ZNF331: variants seen among roughly 807,000 people sequenced by gnomAD.
ZNF331 encodes the protein C2H2-like zinc finger protein rearranged in thyroid adenomas.
In ZNF331, 2 loss-of-function variants were observed where a neutral mutation model predicts 7.0. That is an observed-to-expected ratio of 0.29 (90% CI 0.12 to 0.90). The LOEUF is 0.90. ZNF331 is among the 40% of genes least tolerant of loss of function. The pLI, the probability that ZNF331 is intolerant of heterozygous loss-of-function variation, is 0.58. For synonymous variants in ZNF331, 196 were observed against 205.4 expected (o/e 0.95, Z 0.39); for missense variants, 432 against 587.7 (o/e 0.74, Z 2.74).
At chr19:53,509,996 A>C in the ZNF331 span, among the ~76,000 whole-genome samples, 1 of 152,202 alleles carries the variant, frequency 6.6e-6, no homozygotes, top group East Asian at 1.9e-4. Flanking sequence ...CTATCAGCAG[A>C]ACAGCAAGGG....
intron 2 of ZNF331, among the ~76,000 whole-genome samples, chr19:53,530,004 A>C (rs2087469122): frequency 6.6e-6 from 1 of 152,188 alleles, no homozygotes; most frequent in Non-Finnish European, 1.5e-5. Context: ...ATATTGGCTC[A>C]TGCTTCTGAA....
At position 53,558,492 on chromosome 19, in the gene ZNF331, T is replaced by A. The variant is rs373106920; in HGVS notation, c.-74+2584T>A. Among the ~76,000 whole-genome samples, 65 of 152,206 alleles carry A rather than the reference T, an allele frequency of 4.3e-4. No homozygotes were observed. The highest frequency in any genetic ancestry group is 1.3e-3 in the African/African-American group (55 of 41,514). On this transcript the variant is annotated intron_variant, in intron 3 of 5. Transcript: ENST00000449416. The surrounding 1 kb of genome is among the most constrained non-coding windows in gnomAD (Gnocchi z 4.5). Reference sequence around the variant, plus strand: ...TAGGTGTGACTGAAGCATGCACGAATGTGTTGAAACGTGATTGGACAAATA... The same window carrying A: ...TAGGTGTGACTGAAGCATGCACGAAAGTGTTGAAACGTGATTGGACAAATA...
chr19:53,515,748 C>T (rs1253719556), upstream of ZNF331, among the ~76,000 whole-genome samples: 6 of 152,176 alleles, frequency 3.9e-5, no homozygotes, highest in Admixed American at 3.3e-4. Context: ...CCGCCTTCCT[C>T]GGCCTCCCAA....
intron 2 of ZNF331, among the ~76,000 whole-genome samples, chr19:53,550,406 A>C (rs1600333366): frequency 6.6e-6 from 1 of 152,246 alleles, no homozygotes; most frequent in South Asian, 2.1e-4. Context: ...TGTATTTAAG[A>C]GCTCCAATGC....
chr19:53,538,504 G>A (rs981493039), intron 1 of ZNF331: 1 of 153,002 alleles, frequency 6.5e-6, no homozygotes, highest in African/African-American at 2.4e-5. Context: ...GCGCTCTGGG[G>A]GTTGTGCGGG....
chr19:53,565,775 C>T (rs62143921), intron 3 of ZNF331, among the ~76,000 whole-genome samples: 39,450 of 151,860 alleles, frequency 0.26, 5,950 homozygotes, highest in South Asian at 0.4. Context: ...GTGATCCGCC[C>T]GCCTCAGCCT....
Position 53,580,201 on chromosome 19 carries a change from T to A in ZNF331, c.*2249T>A, listed in dbSNP as rs1600535993. The A allele has an allele frequency of 5.2e-6, 1 of 192,682 alleles. No homozygotes were observed. The highest frequency in any genetic ancestry group is 1.1e-5 in the Non-Finnish European group (1 of 92,410). The allele number at this position is 192,682 out of a possible 1,614,324, so 11.9% of individuals were successfully genotyped here. A position where few individuals can be genotyped will look rare whatever the true frequency, so the allele number is the denominator to read the frequency against. On this transcript the variant is annotated 3_prime_UTR_variant, in exon 6 of 6. Coordinates refer to ENST00000449416, the MANE Select transcript of ZNF331 (RefSeq NM_001079906.2). The stretch of plus-strand genomic sequence containing the variant: ...TGTATACATGTATCAGAACATCACA[T>A]TGTACTCCATCAATATAATACAATT...
upstream of ZNF331, among the ~76,000 whole-genome samples, chr19:53,514,684 A>T (rs181497838): frequency 0.32 from 41,049 of 127,768 alleles, 7,123 homozygotes; most frequent in Middle Eastern, 0.42. Context: ...AGAGTTTCAC[A>T]CTGTCGCCCA....
rs1024291166 is a variant in ZNF331, at chr19:53,560,013, C to T, written c.-74+4105C>T. Among the ~76,000 whole-genome samples the T allele has an allele frequency of 4.1e-5, 6 of 147,728 alleles. No individual in the cohort carries two copies. Among genetic ancestry groups the T allele is most frequent in the African/African-American group, 1.6e-4 (6 of 38,662 alleles). On this transcript the variant is annotated intron_variant, in intron 3 of 5. Transcript: ENST00000449416. This position sits in a 1 kb window ranked among gnomAD's most constrained non-coding sequence, Gnocchi z 4.3. ...CCATATATACACACACATATACGCA[C>T]ACACACCCCATACACATGCATACCT...
chr19:53,507,774 G>A, the ZNF331 span, among the ~76,000 whole-genome samples: 2 of 152,126 alleles, frequency 1.3e-5, no homozygotes, highest in African/African-American at 2.4e-5. Flanking sequence ...TGAGGTAGGC[G>A]GATGTCTTCA....
At chr19:53,517,275 G>T (rs1361660332), upstream of ZNF331, among the ~76,000 whole-genome samples, 2 of 152,198 alleles carry the variant, frequency 1.3e-5, no homozygotes. Context: ...CTTAGAAAAA[G>T]ACTCCATCTT....
the ZNF331 span, among the ~76,000 whole-genome samples, chr19:53,507,705 G>A: frequency 6.6e-6 from 1 of 152,112 alleles, no homozygotes; most frequent in Non-Finnish European, 1.5e-5. Context: ...TCCGCTCAAC[G>A]GTCAGACTTG....
the ZNF331 span, among the ~76,000 whole-genome samples, chr19:53,508,258 C>G: frequency 2.0e-4 from 30 of 152,114 alleles, no homozygotes; most frequent in African/African-American, 7.0e-4. Flanking sequence ...CCTGACCATT[C>G]CTGGCAGAAT....
At position 53,560,395 on chromosome 19, in the gene ZNF331, A is replaced by G. The variant is rs1267603669; in HGVS notation, c.-74+4487A>G. ...CACAGATAGACACACATATACACAA[A>G]CATACACACAATTATATCACAAGGT... On this transcript the variant is annotated intron_variant, in intron 3 of 5. Transcript: ENST00000449416. The surrounding 1 kb of genome is among the most constrained non-coding windows in gnomAD (Gnocchi z 4.3). Among the ~76,000 whole-genome samples the G allele has an allele frequency of 6.6e-6, 1 of 152,066 alleles. No individual in the cohort carries two copies. The highest frequency in any genetic ancestry group is 6.6e-5 in the Admixed American group (1 of 15,264).
chr19:53,556,232 G>A (rs1411059853), intron 3 of ZNF331, among the ~76,000 whole-genome samples: 2 of 110,274 alleles, frequency 1.8e-5, no homozygotes, highest in South Asian at 6.0e-4. Flanking sequence ...AACACAGCGA[G>A]ACTCCATCTC....
At chr19:53,541,076 G>A (rs184495283) in intron 2 of ZNF331, among the ~76,000 whole-genome samples, 1 of 151,898 alleles carries the variant, frequency 6.6e-6, no homozygotes, top group East Asian at 1.9e-4. Flanking sequence ...ATGTTTGAGA[G>A]AGGCAACGAG....
At chr19:53,526,990 A>G (rs2087326651) in intron 2 of ZNF331, among the ~76,000 whole-genome samples, 1 of 151,224 alleles carries the variant, frequency 6.6e-6, no homozygotes, top group Non-Finnish European at 1.5e-5. Flanking sequence ...GGAGTTTGAG[A>G]CCAGCCTGAC....
chr19:53,513,920 T>C, the ZNF331 span, among the ~76,000 whole-genome samples: 3 of 152,148 alleles, frequency 2.0e-5, no homozygotes, highest in African/African-American at 7.2e-5. Flanking sequence ...CCTTTGCTCA[T>C]CTTTAATAGG....
chr19:53,559,092 A>G (rs2089635345), intron 3 of ZNF331, among the ~76,000 whole-genome samples: 1 of 143,636 alleles, frequency 7.0e-6, no homozygotes, highest in Non-Finnish European at 1.6e-5. Flanking sequence ...ACACACCTAC[A>G]TATAGAGACA....
Sources: gnomAD v4.1 joint callset for allele counts (sites outside exome capture counted in the v4.1 genomes callset) on GRCh38, gnomAD v4.1.1 for gene constraint, Gnocchi (gnomAD v3.1) non-coding constraint, MANE v1.5 for transcripts, NCBI Gene and HGNC (gene_info 2026-07-23, HGNC 2026-07-21) for gene names.